Variants in ANKHD1 observed in about 807,000 individuals in gnomAD.
The protein encoded by ANKHD1 is ankyrin repeat and KH domain-containing protein 1.
In ANKHD1, 31 loss-of-function variants were observed where a neutral mutation model predicts 230.5. The ratio of observed to expected loss-of-function variants is 0.13; its 90% CI spans 0.10 to 0.18. The LOEUF (loss-of-function observed/expected upper bound fraction) is 0.18, where lower values mean the gene tolerates loss of function less well. Ranked by LOEUF, ANKHD1 falls within the 10% of genes least tolerant of loss-of-function variation. The pLI is 1.00. For missense variants in ANKHD1, 2,256 were observed against 3,071.3 expected, an observed-to-expected ratio of 0.73 and a Z score of 6.27; for synonymous variants, 1,074 against 1,117.6, an observed-to-expected ratio of 0.96 and a Z score of 0.78.
chr5:140,402,157 A>C lies in ANKHD1; in HGVS notation c.190A>C (p.Ser64Arg). The C allele has an allele frequency of 6.5e-7, 1 of 1,529,024 alleles. No individual in the cohort carries two copies. The highest frequency in any genetic ancestry group is 8.7e-7 in the Non-Finnish European group (1 of 1,143,182). The allele number at this position is 1,529,024 out of a possible 1,614,324, so 94.7% of individuals were successfully genotyped here. A position where few individuals can be genotyped will look rare whatever the true frequency, so the allele number is the denominator to read the frequency against. ...AGTCGGCAGCAGCGGCGGCGGCGGC[A>C]GCGGCAGCGGTACGGGCGGAGGGGA... is the stretch of plus-strand genomic sequence containing the variant. ...SGVGSSGGGG[S>R]GSGTGGGDAA... The change falls in exon 1 of 34, where the codon AGC (serine) becomes CGC (arginine). Residue 64 changes from serine (S) to arginine (R), a missense_variant. Ser to Arg is a moderately radical substitution (Grantham distance 110). Around this residue, in one of 13 missense-constraint regions of ANKHD1, gnomAD observed 193 missense variants for 185.8 expected, o/e 1.04. Coordinates refer to ENST00000360839, the MANE Select transcript of ANKHD1 (RefSeq NM_017747.3).
chr5:140,496,209 G>C (rs1049700230), intron 14 of ANKHD1, among the ~76,000 whole-genome samples: 2 of 151,908 alleles, frequency 1.3e-5, no homozygotes, highest in African/African-American at 2.4e-5. Flanking sequence ...CTTGCCTCTT[G>C]GTTTTCCTTT....
chr5:140,503,365 A>G (rs1430519373), intron 15 of ANKHD1, among the ~76,000 whole-genome samples: 3 of 151,940 alleles, frequency 2.0e-5, no homozygotes, highest in South Asian at 4.1e-4. Flanking sequence ...TGATAGTTAC[A>G]TCTATTGAGC....
intron 15 of ANKHD1, among the ~76,000 whole-genome samples, chr5:140,504,563 C>G (rs1387446990): frequency 1.3e-5 from 2 of 152,080 alleles, no homozygotes; most frequent in Non-Finnish European, 2.9e-5. Flanking sequence ...TTCCAATAAC[C>G]TTCCAAGGCA....
At position 140,402,105 on chromosome 5, in the gene ANKHD1, CT is replaced by C; in HGVS notation, c.141del (p.Phe47LeufsTer38). 1 of 1,534,502 alleles carries C rather than the reference CT, an allele frequency of 6.5e-7. No homozygotes were observed. Among genetic ancestry groups the C allele is most frequent in the Non-Finnish European group, 8.7e-7 (1 of 1,145,208 alleles). ...VGLGIRTVRL[F>X]GEAGPASGVG... ...GTCTGGGGATCCGCACCGTGAGGCT[CT>C]TTGGGGAGGCCGGGCCAGCGTCGGG... On this transcript the variant is annotated frameshift_variant, in exon 1 of 34. Coordinates refer to ENST00000360839, the MANE Select transcript of ANKHD1 (RefSeq NM_017747.3). LOFTEE classifies it high-confidence loss of function.
At chr5:140,426,588 A>G (rs1249817325) in intron 1 of ANKHD1, among the ~76,000 whole-genome samples, 2 of 151,714 alleles carry the variant, frequency 1.3e-5, no homozygotes, top group African/African-American at 4.8e-5. Context: ...GGGTCACAGG[A>G]CAATAGCGGA....
intron 6 of ANKHD1, among the ~76,000 whole-genome samples, chr5:140,448,318 A>C (rs908558452): frequency 2.6e-5 from 4 of 152,206 alleles, no homozygotes; most frequent in African/African-American, 9.7e-5. Flanking sequence ...CCAGGTTTTC[A>C]CTATTATTAA....
At chr5:140,456,027 A>C (rs1323975874) in intron 7 of ANKHD1, among the ~76,000 whole-genome samples, 1 of 152,238 alleles carries the variant, frequency 6.6e-6, no homozygotes, top group Non-Finnish European at 1.5e-5. Context: ...CTCAGGATAC[A>C]AAATCAATGT....
chr5:140,496,482 T>TC, intron 14 of ANKHD1, 38 bp from the exon 15 acceptor site: 1 of 1,036,356 alleles, frequency 9.6e-7, no homozygotes, highest in Non-Finnish European at 1.3e-6. Context: ...TTTTTTTTTT[T>TC]AGCATGGCAC....
intron 10 of ANKHD1, among the ~76,000 whole-genome samples, chr5:140,470,900 T>A (rs1776448721): frequency 6.6e-6 from 1 of 152,142 alleles, no homozygotes; most frequent in African/African-American, 2.4e-5. Context: ...TTACTGGGAT[T>A]ACAAGTATGA....
chr5:140,458,543 T>A (rs1775393846), intron 7 of ANKHD1, 82 bp from the exon 8 acceptor site: 1 of 1,424,394 alleles, frequency 7.0e-7, no homozygotes. Flanking sequence ...TTTTCCAATC[T>A]CTTGCTTTCT....
In ANKHD1 at chr5:140,485,842, C is replaced by A. The variant is rs866389035; in HGVS notation, c.2142+110C>A. ...ATGGACTTGTTTTTATTCTCTGTTA[C>A]ATATTGAGAAAATCATGACTCTAAA... On this transcript the variant is annotated intron_variant, in intron 13 of 33. Coordinates refer to ENST00000360839, the MANE Select transcript of ANKHD1 (RefSeq NM_017747.3). This position sits in a 1 kb window ranked among gnomAD's most constrained non-coding sequence, Gnocchi z 4.8. 2.7e-5 allele frequency: 39 copies of A among 1,430,544 alleles called. No individual in the cohort carries two copies. The highest frequency in any genetic ancestry group is 3.6e-4 in the Middle Eastern group (2 of 5,604). 88.6% of individuals were successfully genotyped at this position (1,430,544 alleles called of 1,614,324 possible).
At chr5:140,457,642 G>C (rs1775308798) in intron 7 of ANKHD1, among the ~76,000 whole-genome samples, 1 of 152,104 alleles carries the variant, frequency 6.6e-6, no homozygotes, top group South Asian at 2.1e-4. Context: ...CTCATAGGTG[G>C]GAATTGAACA....
chr5:140,523,565 C>CTTT (rs58102859), intron 24 of ANKHD1, among the ~76,000 whole-genome samples: 1 of 138,246 alleles, frequency 7.2e-6, no homozygotes. Flanking sequence ...TGACTGTTTA[C>CTTT]TTTTTTTTTT....
chr5:140,523,512 C>A (rs1360811144), intron 24 of ANKHD1, among the ~76,000 whole-genome samples: 1 of 151,346 alleles, frequency 6.6e-6, no homozygotes. Context: ...AAGTCCCTTA[C>A]CAGTTGTATG....
rs750149195 is a variant in ANKHD1 at position 140,505,797 on chromosome 5, A to C, written c.3336A>C (p.Gly1112=). 1 of 1,613,010 alleles carries C rather than the reference A, an allele frequency of 6.2e-7. No homozygotes were observed. The highest frequency in any genetic ancestry group is 1.3e-5 in the African/African-American group (1 of 74,806). The part of the protein sequence containing the change: ...GVVEILLDKG[G]DIEAQSERTK... ...TTGAAATCCTTTTGGATAAAGGTGG[A>C]GATATAGAAGCACAGTCTGAACGAA... Residue 1112 remains glycine (G), a synonymous_variant, in exon 18 of 34, where the codon GGA becomes GGC. Transcript: ENST00000360839.
chr5:140,445,704 T>C, intron 5 of ANKHD1, 38 bp from the exon 6 acceptor site: 2 of 1,454,444 alleles, frequency 1.4e-6, no homozygotes, highest in Non-Finnish European at 9.1e-7. Context: ...TAAATATATA[T>C]TCTGCTCATG....
chr5:140,471,193 AT>A (rs1385677495), intron 10 of ANKHD1, among the ~76,000 whole-genome samples: 3 of 152,036 alleles, frequency 2.0e-5, no homozygotes, highest in African/African-American at 7.2e-5. Context: ...CTCAATCTGT[AT>A]TTAGTTTCTT....
In ANKHD1 at chr5:140,496,791, GA is replaced by G. The variant is rs1752060232; in HGVS notation, c.2520del (p.Val841TrpfsTer7). 6.2e-7 allele frequency: 1 copy of G among 1,613,922 alleles called. No individual in the cohort carries two copies. Among genetic ancestry groups the G allele is most frequent in the Admixed American group, 1.7e-5 (1 of 59,994 alleles). On this transcript the variant is annotated frameshift_variant, in exon 15 of 34. Coordinates refer to ENST00000360839, the MANE Select transcript of ANKHD1 (RefSeq NM_017747.3). LOFTEE classifies it high-confidence loss of function. ...AGAAGAAAATATTGAAAGAACTGCA[GA>G]AAGTGGAAAGGCAGTTGCAGATGAA... ...KKKKILKELQKVERQLQMKTQ... is the reference protein window; with the variant it reads ...KKKKILKELQXVERQLQMKTQ...
At chr5:140,409,580 C>G (rs186607826) in intron 1 of ANKHD1, among the ~76,000 whole-genome samples, 2,960 of 148,914 alleles carry the variant, frequency 0.02, 101 homozygotes, top group African/African-American at 0.069. Flanking sequence ...GTCAGAGGAG[C>G]CTTGCTCTGT....
Sources: allele counts gnomAD v4.1 joint callset (sites outside exome capture counted in the v4.1 genomes callset), GRCh38; gene constraint gnomAD v4.1.1; regional missense constraint gnomAD v4.1.1; non-coding constraint Gnocchi (gnomAD v3.1); transcripts MANE v1.5; gene names NCBI Gene and HGNC (gene_info 2026-07-23, HGNC 2026-07-21).